The following ADAMTSL1 variants were observed in gnomAD, a reference collection of about 807,000 sequenced individuals.
ADAMTSL1 encodes ADAMTS-like protein 1.
Under a neutral mutation model 201.8 loss-of-function variants are expected in ADAMTSL1, and 126 were observed. The observed-to-expected ratio is 0.62, with a 90% CI of 0.54 to 0.72. The LOEUF is 0.72. ADAMTSL1 is among the 30% of genes least tolerant of loss of function. ADAMTSL1 has a pLI of 0.00. For synonymous variants in ADAMTSL1, 1,121 were observed against 903.4 expected (o/e 1.24, Z -4.32); for missense variants, 2,679 against 2,277.8 (o/e 1.18, Z -3.59).
intron 1 of ADAMTSL1, among the ~76,000 whole-genome samples, chr9:18,132,792 G>T (rs1826005117): frequency 6.6e-6 from 1 of 152,094 alleles, no homozygotes; most frequent in African/African-American, 2.4e-5. Flanking sequence ...CCAATTTCCT[G>T]CCATTTTTGT....
intron 9 of ADAMTSL1, 40 bp from the exon 10 acceptor site, chr9:18,675,817 T>TACC: frequency 6.4e-7 from 1 of 1,573,862 alleles, no homozygotes; most frequent in Non-Finnish European, 8.7e-7. Flanking sequence ...TTATTGTGTG[T>TACC]ACCTTCTACT....
intron 2 of ADAMTSL1, among the ~76,000 whole-genome samples, chr9:18,285,175 T>C (rs536864797): frequency 9.8e-5 from 15 of 152,300 alleles, no homozygotes; most frequent in African/African-American, 3.4e-4. Context: ...AAAGGCAGTA[T>C]ATAAAAGTGT....
At chr9:18,890,246 C>T (rs996462209) in intron 25 of ADAMTSL1, among the ~76,000 whole-genome samples, 2 of 152,226 alleles carry the variant, frequency 1.3e-5, no homozygotes, top group African/African-American at 2.4e-5. Flanking sequence ...GCTTGCGTCT[C>T]ACTAAAGTTG....
chr9:18,246,055 G>T (rs1015608746), intron 2 of ADAMTSL1, among the ~76,000 whole-genome samples: 2 of 152,010 alleles, frequency 1.3e-5, no homozygotes, highest in Non-Finnish European at 2.9e-5. Flanking sequence ...CGGCTGCTGT[G>T]GGTAAATTAC....
chr9:18,661,949 T>C lies in ADAMTSL1; in HGVS notation c.961T>C (p.Ser321Pro). 12 of 1,613,422 alleles carry C rather than the reference T, an allele frequency of 7.4e-6. No homozygotes were observed. The highest frequency in any genetic ancestry group is 1.0e-5 in the Non-Finnish European group (12 of 1,179,722). ...TGATACTACAGGTTATCAGCTGACA[T>C]CGGCTGAGTGCTACGATCTGAGGAG... ...ATCGGGYQLT[S>P]AECYDLRSNR... The change falls in exon 9 of 29, where the codon TCG becomes CCG. Residue 321 changes from serine (S) to proline (P), a missense_variant. Ser to Pro is a moderately conservative substitution (Grantham distance 74). Transcript: ENST00000380548.
intron 2 of ADAMTSL1, among the ~76,000 whole-genome samples, chr9:18,190,078 G>T (rs1265144901): frequency 6.6e-6 from 1 of 152,182 alleles, no homozygotes; most frequent in Admixed American, 6.5e-5. Context: ...TAACCTCTAA[G>T]GGGATCCAGC....
chr9:18,106,774 C>G (rs1021103554), intron 1 of ADAMTSL1, among the ~76,000 whole-genome samples: 4 of 152,128 alleles, frequency 2.6e-5, no homozygotes, highest in Non-Finnish European at 4.4e-5. Flanking sequence ...CAAGTAGCAG[C>G]AATTGTACAT....
At chr9:18,765,528 C>A (rs1375357226) in intron 16 of ADAMTSL1, among the ~76,000 whole-genome samples, 1 of 152,086 alleles carries the variant, frequency 6.6e-6, no homozygotes, top group African/African-American at 2.4e-5. Context: ...CATATACTCC[C>A]AGAACTTATT....
At chr9:18,191,537 A>G (rs995679914) in intron 2 of ADAMTSL1, among the ~76,000 whole-genome samples, 1 of 152,166 alleles carries the variant, frequency 6.6e-6, no homozygotes, top group African/African-American at 2.4e-5. Flanking sequence ...GTTACCTTGG[A>G]CAGGACCTGA....
chr9:18,265,205 A>T (rs559825063), intron 2 of ADAMTSL1, among the ~76,000 whole-genome samples: 1 of 152,146 alleles, frequency 6.6e-6, no homozygotes, highest in African/African-American at 2.4e-5. Context: ...CTCTTTAAAT[A>T]TGCCAGGCCT....
At chr9:18,239,512 G>A (rs1587376351) in intron 2 of ADAMTSL1, among the ~76,000 whole-genome samples, 2 of 152,266 alleles carry the variant, frequency 1.3e-5, no homozygotes, top group Admixed American at 1.3e-4. Context: ...GCCGAGGCAA[G>A]TGGATCACTT....
At chr9:18,333,518 A>G (rs1462477038) in intron 2 of ADAMTSL1, among the ~76,000 whole-genome samples, 1 of 152,208 alleles carries the variant, frequency 6.6e-6, no homozygotes, top group Non-Finnish European at 1.5e-5. Flanking sequence ...TTATAGTGGC[A>G]TGAGAATGGA....
At chr9:18,097,040 TG>T (rs1196480658) in intron 1 of ADAMTSL1, among the ~76,000 whole-genome samples, 1 of 152,220 alleles carries the variant, frequency 6.6e-6, no homozygotes, top group African/African-American at 2.4e-5. Flanking sequence ...TCAAGATACA[TG>T]GCGGTTCCAT....
At chr9:18,797,904 C>A (rs1822533180) in intron 20 of ADAMTSL1, among the ~76,000 whole-genome samples, 1 of 152,134 alleles carries the variant, frequency 6.6e-6, no homozygotes, top group African/African-American at 2.4e-5. Context: ...AATGTGCAAA[C>A]CATTATCCCA....
chr9:17,925,722 G>T (rs1473845460), intron 1 of ADAMTSL1, among the ~76,000 whole-genome samples: 22 of 130,780 alleles, frequency 1.7e-4, no homozygotes, highest in African/African-American at 6.6e-4. Context: ...GGGGGAGGGG[G>T]GAGGGATAGC....
intron 1 of ADAMTSL1, among the ~76,000 whole-genome samples, chr9:18,029,867 G>T (rs1270439039): frequency 6.6e-6 from 1 of 152,144 alleles, no homozygotes; most frequent in Non-Finnish European, 1.5e-5. Flanking sequence ...ACACCAGTTA[G>T]AATGGTGATC....
At chr9:18,865,599 C>A (rs7875400) in intron 23 of ADAMTSL1, among the ~76,000 whole-genome samples, 93,862 of 151,994 alleles carry the variant, frequency 0.62, 29,301 homozygotes, top group African/African-American at 0.67. Context: ...TACTTTCCAG[C>A]TATTTTTTAA....
chr9:18,347,242 A>G (rs1190711424), intron 2 of ADAMTSL1, among the ~76,000 whole-genome samples: 2 of 152,128 alleles, frequency 1.3e-5, no homozygotes, highest in African/African-American at 4.8e-5. Context: ...GAGACAAAAA[A>G]ATATTCCTGG....
intron 15 of ADAMTSL1, among the ~76,000 whole-genome samples, chr9:18,739,401 A>G (rs1053795106): frequency 2.6e-5 from 4 of 152,198 alleles, no homozygotes; most frequent in South Asian, 2.1e-4. Context: ...CATCAGTTCT[A>G]TCAGATCCAA....
Sources: gnomAD v4.1 joint callset for allele counts (sites outside exome capture counted in the v4.1 genomes callset) on GRCh38, gnomAD v4.1.1 for gene constraint, MANE v1.5 for transcripts, NCBI Gene and HGNC (gene_info 2026-07-23, HGNC 2026-07-21) for gene names.